TENT2: variants seen among roughly 807,000 people sequenced by gnomAD.
TENT2 encodes the protein terminal nucleotidyltransferase 2.
Under a neutral mutation model 72.2 loss-of-function variants are expected in TENT2, and 44 were observed. The ratio of observed to expected loss-of-function variants is 0.61; its 90% CI spans 0.48 to 0.78. The LOEUF (loss-of-function observed/expected upper bound fraction) is 0.78, where lower values mean the gene tolerates loss of function less well. TENT2 is among the 30% of genes least tolerant of loss of function. The pLI, the probability that TENT2 is intolerant of heterozygous loss-of-function variation, is 0.00. For synonymous variants in TENT2, 212 were observed against 192.5 expected (o/e 1.10, Z -0.84); for missense variants, 541 against 569.6 (o/e 0.95, Z 0.51).
chr5:79,673,653 G>GTC (rs1196743549), intron 12 of TENT2, among the ~76,000 whole-genome samples: 2 of 152,082 alleles, frequency 1.3e-5, no homozygotes, highest in Non-Finnish European at 2.9e-5. Flanking sequence ...TGGTCTATGT[G>GTC]TCTGTTTTTA....
At chr5:79,646,451 C>T (rs753566588) in intron 8 of TENT2, among the ~76,000 whole-genome samples, 3 of 152,116 alleles carry the variant, frequency 2.0e-5, no homozygotes, top group Non-Finnish European at 4.4e-5. Flanking sequence ...TCAGTGTTTG[C>T]AGCAACTTTA....
intron 7 of TENT2, among the ~76,000 whole-genome samples, chr5:79,644,084 C>T (rs114878198): frequency 2.0e-5 from 3 of 151,594 alleles, no homozygotes; most frequent in Non-Finnish European, 2.9e-5. Flanking sequence ...CTGGTTTAAG[C>T]GATTCTCATG....
intron 10 of TENT2, among the ~76,000 whole-genome samples, chr5:79,654,297 A>G (rs999226382): frequency 2.6e-5 from 4 of 151,916 alleles, no homozygotes; most frequent in Admixed American, 6.6e-5. Flanking sequence ...TGGGCGTGGT[A>G]GTGCACGGCT....
intron 4 of TENT2, among the ~76,000 whole-genome samples, chr5:79,625,331 T>G (rs1161641483): frequency 6.6e-6 from 1 of 152,162 alleles, no homozygotes; most frequent in Non-Finnish European, 1.5e-5. Context: ...ACTTGTGAAT[T>G]TATGCTCCCA....
chr5:79,645,282 A>G (rs1787915374), intron 8 of TENT2, 90 bp downstream of exon 8: 2 of 986,386 alleles, frequency 2.0e-6, no homozygotes, highest in African/African-American at 1.7e-5. Context: ...TGTATGTTGT[A>G]GCATTACAGT....
rs192745728 is a variant in TENT2, at chr5:79,632,726, G to A, written c.466-8125G>A. On this transcript the variant is annotated intron_variant, in intron 4 of 14. Transcript: ENST00000453514. Reference sequence around the variant, plus strand: ...TGGCATCCTTGGAAGAACAGTTTGGGGATAGTTATCTTACAGATCTCTAAA... The same window carrying A: ...TGGCATCCTTGGAAGAACAGTTTGGAGATAGTTATCTTACAGATCTCTAAA... Among the ~76,000 whole-genome samples, 389 of 152,114 alleles carry A rather than the reference G, an allele frequency of 2.6e-3. 2 individuals are homozygous for A. Among genetic ancestry groups the A allele is most frequent in the African/African-American group, 9.0e-3 (375 of 41,504 alleles).
At chr5:79,653,714 C>A (rs1795868223) in intron 10 of TENT2, among the ~76,000 whole-genome samples, 1 of 152,120 alleles carries the variant, frequency 6.6e-6, no homozygotes, top group South Asian at 2.1e-4. Context: ...TTAAGCTACT[C>A]CTCCCTAGAA....
chr5:79,659,375 A>T (rs1426807538), intron 11 of TENT2, among the ~76,000 whole-genome samples: 1 of 151,094 alleles, frequency 6.6e-6, no homozygotes, highest in Non-Finnish European at 1.5e-5. Context: ...TCTACTAAAA[A>T]TACAAAAATT....
At chr5:79,654,001 G>A (rs1275872219) in intron 10 of TENT2, among the ~76,000 whole-genome samples, 1 of 152,194 alleles carries the variant, frequency 6.6e-6, no homozygotes, top group Non-Finnish European at 1.5e-5. Flanking sequence ...TCCTCTGTAT[G>A]TAGAAAAGGT....
chr5:79,682,149 G>C lies in TENT2; in HGVS notation c.1380+88G>C, dbSNP rs905074866. The C allele has an allele frequency of 6.0e-6, 5 of 832,330 alleles. No individual in the cohort carries two copies. The Admixed American group carries it at 1.3e-4, about 22-fold the overall frequency. 51.6% of individuals were successfully genotyped at this position (832,330 alleles called of 1,614,324 possible). On this transcript the variant is annotated intron_variant, in intron 14 of 14. Coordinates refer to ENST00000453514, the MANE Select transcript of TENT2 (RefSeq NM_001114394.3). The stretch of plus-strand genomic sequence containing the variant: ...AAATACGTGTGTAGTAGGACAGAAT[G>C]GTTTCTCTTCTGTGAATCCATTAAT...
chr5:79,634,469 T>G (rs1355153758), intron 4 of TENT2, among the ~76,000 whole-genome samples: 1 of 152,082 alleles, frequency 6.6e-6, no homozygotes, highest in Non-Finnish European at 1.5e-5. Context: ...CTCAAGTAGC[T>G]TGGACTACAG....
chr5:79,624,875 A>C (rs1768142379), intron 4 of TENT2, among the ~76,000 whole-genome samples: 1 of 152,192 alleles, frequency 6.6e-6, no homozygotes, highest in Admixed American at 6.5e-5. Context: ...ATATCTGTGT[A>C]CAGATTTTTG....
In TENT2 at chr5:79,685,397, A is replaced by T. The variant is rs1825732147; in HGVS notation, c.*124A>T. The T allele has an allele frequency of 1.7e-6, 1 of 595,846 alleles. No individual in the cohort carries two copies. Among genetic ancestry groups the T allele is most frequent in the East Asian group, 3.3e-5 (1 of 30,480 alleles). 36.9% of individuals were successfully genotyped at this position (595,846 alleles called of 1,614,324 possible). Reference sequence around the variant, plus strand: ...GTTCTTGTTTTCATGTTTTATTTTTAAAAAGACATATAAAGATTGCATATT... The same window carrying T: ...GTTCTTGTTTTCATGTTTTATTTTTTAAAAGACATATAAAGATTGCATATT... On this transcript the variant is annotated 3_prime_UTR_variant, in exon 15 of 15. Coordinates refer to ENST00000453514, the MANE Select transcript of TENT2 (RefSeq NM_001114394.3).
chr5:79,669,832 G>A (rs980295266), intron 12 of TENT2, among the ~76,000 whole-genome samples: 19 of 151,530 alleles, frequency 1.3e-4, no homozygotes, highest in Admixed American at 3.3e-4. Flanking sequence ...ATTTCATTCC[G>A]TTTACATAAT....
chr5:79,621,716 C>G (rs1201338662), intron 3 of TENT2, among the ~76,000 whole-genome samples: 1 of 150,482 alleles, frequency 6.6e-6, no homozygotes, highest in Non-Finnish European at 1.5e-5. Flanking sequence ...CAAGATCCCC[C>G]CACTGCACTC....
intron 14 of TENT2, 68 bp downstream of exon 14, chr5:79,682,129 C>T (rs537716831): frequency 1.4e-5 from 15 of 1,069,884 alleles, no homozygotes; most frequent in East Asian, 7.5e-5. Flanking sequence ...GGAAAAAATA[C>T]GTGTGTAGTA....
chr5:79,644,827 C>G, intron 7 of TENT2: 1 of 235,066 alleles, frequency 4.3e-6, no homozygotes, highest in Non-Finnish European at 8.1e-6. Context: ...ATTAGCTATT[C>G]CCTCTGCTGC....
At chr5:79,654,816 T>G (rs1026690533) in intron 10 of TENT2, among the ~76,000 whole-genome samples, 1 of 152,140 alleles carries the variant, frequency 6.6e-6, no homozygotes, top group African/African-American at 2.4e-5. Context: ...GCTTTCAAAA[T>G]TAATGATTCT....
At chr5:79,628,202 A>T (rs1335815674) in intron 4 of TENT2, among the ~76,000 whole-genome samples, 2 of 152,190 alleles carry the variant, frequency 1.3e-5, no homozygotes, top group Non-Finnish European at 2.9e-5. Context: ...TGTGCTCGAC[A>T]GTTTGTTTGG....
Sources: allele counts gnomAD v4.1 joint callset (sites outside exome capture counted in the v4.1 genomes callset), GRCh38; gene constraint gnomAD v4.1.1; transcripts MANE v1.5; gene names NCBI Gene and HGNC (gene_info 2026-07-23, HGNC 2026-07-21).